CHD9: variants seen among roughly 807,000 people sequenced by gnomAD.
CHD9 encodes the protein ATP-dependent chromatin remodeler CHD9.
Under a neutral mutation model 316.1 loss-of-function variants are expected in CHD9, and 77 were observed. The ratio of observed to expected loss-of-function variants is 0.24; its 90% CI spans 0.20 to 0.29. CHD9 has a LOEUF of 0.29. CHD9 is among the 10% of genes least tolerant of loss of function. The probability of loss-of-function intolerance (pLI) is 1.00; values close to 1 mark genes in which losing one functional copy is unlikely to be tolerated. For synonymous variants in CHD9, 1,129 were observed against 1,158.3 expected (o/e 0.97, Z 0.51); for missense variants, 2,763 against 3,438.1 (o/e 0.80, Z 4.91).
chr16:53,214,945 A>G (rs4303482), intron 3 of CHD9, among the ~76,000 whole-genome samples: 42,308 of 147,460 alleles, frequency 0.29, 6,083 homozygotes, highest in Middle Eastern at 0.32. Flanking sequence ...ACGGAGTCTC[A>G]CTCTGTCTCC....
chr16:53,202,190 A>T (rs562377472), intron 2 of CHD9, among the ~76,000 whole-genome samples: 2 of 152,256 alleles, frequency 1.3e-5, no homozygotes, highest in Middle Eastern at 6.8e-3. Flanking sequence ...ACACAACTAC[A>T]AAACCAGTTT....
Position 53,088,284 on chromosome 16 carries a change from T to G in CHD9, c.-165+33207T>G, listed in dbSNP as rs186296132. ...AGGAAAATGACATGCACTTTGTTTTTTTTTTTTTTTTGAGATGGAGTCTCG... is the reference window on the plus strand; with the variant it reads ...AGGAAAATGACATGCACTTTGTTTTGTTTTTTTTTTTGAGATGGAGTCTCG... On this transcript the variant is annotated intron_variant, in intron 1 of 38. Coordinates refer to ENST00000447540, the MANE Select transcript of CHD9 (RefSeq NM_001308319.2). Among the ~76,000 whole-genome samples the G allele has an allele frequency of 5.4e-3, 797 of 147,570 alleles. 26 individuals carry two copies. The highest frequency in any genetic ancestry group is 8.7e-3 in the Non-Finnish European group (579 of 66,572).
In CHD9 at chr16:53,304,678, CTTTTCTTTTCTTTTCT is replaced by C. The variant is rs925495648; in HGVS notation, c.6619+58_6619+73del. On this transcript the variant is annotated intron_variant, in intron 31 of 38. Coordinates refer to ENST00000447540, the MANE Select transcript of CHD9 (RefSeq NM_001308319.2). ...TTTAACATAACTTTTCTTTTCTTTT[CTTTTCTTTTCTTTTCT>C]TTTTTTTTTTTTTTTTTGAGATGGA... 4.7e-4 allele frequency: 543 copies of C among 1,152,368 alleles called. 1 individual carries two copies. In the South Asian group the frequency reaches 8.7e-3, roughly 18 times the overall value. 71.4% of individuals were successfully genotyped at this position (1,152,368 alleles called of 1,614,324 possible). A position where few individuals can be genotyped will look rare whatever the true frequency, so the allele number is the denominator to read the frequency against.
chr16:53,310,432 C>T (rs951797731), intron 34 of CHD9, among the ~76,000 whole-genome samples: 4 of 152,056 alleles, frequency 2.6e-5, no homozygotes, highest in Admixed American at 1.3e-4. Flanking sequence ...CTGTTTAAAA[C>T]TCCACTGTAA....
Position 53,304,632 on chromosome 16 carries a change from T to C in CHD9, c.6619+7T>C. ...GAAGAAGCCCAAAAACGAGGTACTA[T>C]GCATAAAATAATTCTACTTTTTTAA... On this transcript the variant is annotated splice_region_variant and intron_variant, in intron 31 of 38. Coordinates refer to ENST00000447540, the MANE Select transcript of CHD9 (RefSeq NM_001308319.2). The C allele has an allele frequency of 6.6e-7, 1 of 1,504,054 alleles. No individual in the cohort carries two copies. Among genetic ancestry groups the C allele is most frequent in the East Asian group, 2.5e-5 (1 of 40,484 alleles). 93.2% of individuals were successfully genotyped at this position (1,504,054 alleles called of 1,614,324 possible). A position where few individuals can be genotyped will look rare whatever the true frequency, so the allele number is the denominator to read the frequency against.
chr16:53,071,875 C>A (rs2034088001), intron 1 of CHD9, among the ~76,000 whole-genome samples: 1 of 152,216 alleles, frequency 6.6e-6, no homozygotes, highest in South Asian at 2.1e-4. Flanking sequence ...GAAAGCATTT[C>A]AACGGCAGGC....
chr16:53,075,296 C>T (rs1596887803), intron 1 of CHD9, among the ~76,000 whole-genome samples: 1 of 152,240 alleles, frequency 6.6e-6, no homozygotes, highest in South Asian at 2.1e-4. Context: ...ACAGAAGGGA[C>T]CTGCCTTGTC....
In CHD9 at chr16:53,324,404, A is replaced by G. The variant is rs1265056994; in HGVS notation, c.8203A>G (p.Thr2735Ala). The change falls in exon 39 of 39, where the codon ACG becomes GCG. Residue 2735 changes from threonine to alanine, a missense_variant. By Grantham distance (58) the Thr-to-Ala change is moderately conservative. Around this residue, in one of 15 missense-constraint regions of CHD9, gnomAD observed 298 missense variants for 380.2 expected, o/e 0.78. Coordinates refer to ENST00000447540, the MANE Select transcript of CHD9 (RefSeq NM_001308319.2). ...LGMGGLLTKPTESGTEDKKGS... is the reference protein window; with the variant it reads ...LGMGGLLTKPAESGTEDKKGS... ...CATGGGAGGACTCCTGACAAAGCCTACGGAATCTGGGACAGAAGACAAAAA... is the reference window on the plus strand; with the variant it reads ...CATGGGAGGACTCCTGACAAAGCCTGCGGAATCTGGGACAGAAGACAAAAA... 6.2e-7 allele frequency: 1 copy of G among 1,614,016 alleles called. No homozygotes were observed. The highest frequency in any genetic ancestry group is 8.5e-7 in the Non-Finnish European group (1 of 1,179,892).
intron 1 of CHD9, among the ~76,000 whole-genome samples, chr16:53,145,051 C>A: frequency 6.6e-6 from 1 of 150,428 alleles, no homozygotes; most frequent in Non-Finnish European, 1.5e-5. Flanking sequence ...GTCAATTAAG[C>A]AAAGATACAT....
At chr16:53,226,973 T>G (rs1191440001) in intron 5 of CHD9, among the ~76,000 whole-genome samples, 2 of 152,182 alleles carry the variant, frequency 1.3e-5, no homozygotes, top group Admixed American at 6.5e-5. Context: ...GAATGCCATA[T>G]GTGCTTCCCT....
At chr16:53,139,328 A>G (rs879537260) in intron 1 of CHD9, among the ~76,000 whole-genome samples, 1 of 152,206 alleles carries the variant, frequency 6.6e-6, no homozygotes, top group Admixed American at 6.5e-5. Flanking sequence ...AGGAAGGGCC[A>G]TATTGAAGGT....
chr16:53,231,558 A>G (rs2048176251), intron 9 of CHD9, 53 bp downstream of exon 9: 2 of 1,389,438 alleles, frequency 1.4e-6, no homozygotes, highest in South Asian at 1.3e-5. Flanking sequence ...AAACTTTCCA[A>G]GTATTAAGAC....
intron 24 of CHD9, among the ~76,000 whole-genome samples, chr16:53,279,291 A>G (rs1462337475): frequency 6.6e-6 from 1 of 151,806 alleles, no homozygotes; most frequent in African/African-American, 2.4e-5. Flanking sequence ...GTTCTCACTC[A>G]TAGGTAGGAA....
chr16:53,075,883 G>A (rs1276244678), intron 1 of CHD9, among the ~76,000 whole-genome samples: 1 of 152,108 alleles, frequency 6.6e-6, no homozygotes, highest in Non-Finnish European at 1.5e-5. Flanking sequence ...CCCACCAGCA[G>A]TGCACAAGGA....
chr16:53,292,731 C>T (rs1366858386), intron 28 of CHD9, 102 bp from the exon 29 acceptor site: 8 of 837,772 alleles, frequency 9.5e-6, no homozygotes, highest in African/African-American at 5.2e-5. Context: ...TTTTTTTTCC[C>T]CACATAGATT....
At chr16:53,225,074 G>A (rs1487882604) in intron 4 of CHD9, among the ~76,000 whole-genome samples, 1 of 152,088 alleles carries the variant, frequency 6.6e-6, no homozygotes, top group East Asian at 1.9e-4. Flanking sequence ...CTTTCTCTCA[G>A]TATTTTACTA....
At chr16:53,236,214 A>G (rs2048603726) in intron 11 of CHD9, among the ~76,000 whole-genome samples, 1 of 151,932 alleles carries the variant, frequency 6.6e-6, no homozygotes, top group Non-Finnish European at 1.5e-5. Context: ...CATCTCCTAT[A>G]TTGCCTGTTT....
intron 1 of CHD9, among the ~76,000 whole-genome samples, chr16:53,091,458 T>C (rs1455193793): frequency 1.3e-5 from 2 of 152,198 alleles, no homozygotes; most frequent in Non-Finnish European, 2.9e-5. Context: ...GCTTAAGAAA[T>C]GGTGGCCCTG....
chr16:53,264,309 T>G (rs2051439291), intron 20 of CHD9, among the ~76,000 whole-genome samples: 1 of 152,160 alleles, frequency 6.6e-6, no homozygotes, highest in South Asian at 2.1e-4. Context: ...TAAGCATACA[T>G]GTACAATGAT....
Sources: gnomAD v4.1 joint callset for allele counts (sites outside exome capture counted in the v4.1 genomes callset) on GRCh38, gnomAD v4.1.1 for gene constraint, gnomAD v4.1.1 regional missense constraint, MANE v1.5 for transcripts, NCBI Gene and HGNC (gene_info 2026-07-23, HGNC 2026-07-21) for gene names.